The following ADAMTS20 variants were observed in gnomAD, a reference collection of about 807,000 sequenced individuals.
The protein encoded by ADAMTS20 is ADAM metallopeptidase with thrombospondin type 1 motif 20.
A neutral mutation model predicts 260.1 loss-of-function variants in ADAMTS20; 225 were observed. The observed-to-expected ratio is 0.87, with a 90% CI of 0.78 to 0.97. The LOEUF is 0.97. ADAMTS20 is among the 50% of genes least tolerant of loss of function. The pLI, the probability that ADAMTS20 is intolerant of heterozygous loss-of-function variation, is 0.00. For synonymous variants in ADAMTS20, 802 were observed against 769.5 expected, an observed-to-expected ratio of 1.04 and a Z score of -0.70; for missense variants, 2,400 against 2,337.7, an observed-to-expected ratio of 1.03 and a Z score of -0.55.
At chr12:43,499,081 G>A (rs1341590063) in intron 4 of ADAMTS20, among the ~76,000 whole-genome samples, 1 of 152,114 alleles carries the variant, frequency 6.6e-6, no homozygotes, top group African/African-American at 2.4e-5. Context: ...GGCTTCTTAG[G>A]AAGAAAGAAA....
At chr12:43,420,743 G>A (rs1394228259) in intron 28 of ADAMTS20, among the ~76,000 whole-genome samples, 1 of 146,116 alleles carries the variant, frequency 6.8e-6, no homozygotes, top group Non-Finnish European at 1.5e-5. Context: ...GGTGTTTGCT[G>A]CTACTACATG....
chr12:43,374,616 T>C (rs1356017625), intron 36 of ADAMTS20, among the ~76,000 whole-genome samples: 1 of 152,236 alleles, frequency 6.6e-6, no homozygotes, highest in African/African-American at 2.4e-5. Flanking sequence ...AACTTCCATA[T>C]TACTTACAAC....
chr12:43,439,716 T>C lies in ADAMTS20; in HGVS notation c.2499A>G (p.Val833=). The C allele has an allele frequency of 6.2e-7, 1 of 1,613,646 alleles. No homozygotes were observed. The highest frequency in any genetic ancestry group is 8.5e-7 in the Non-Finnish European group (1 of 1,179,674). The stretch of plus-strand genomic sequence containing the variant: ...CCAAAGGGATATTGAAGGAATAATG[T>C]ACATCAGGGTTGTATAAATTACCCA... ...LCVGNLYNPD[V]HYSFNIPLEE... Residue 833 remains valine, a synonymous_variant, in exon 18 of 39, where the codon GTA becomes GTG. Transcript: ENST00000389420.
At chr12:43,360,168 G>T (rs1939835814) in intron 37 of ADAMTS20, among the ~76,000 whole-genome samples, 2 of 152,172 alleles carry the variant, frequency 1.3e-5, no homozygotes, top group South Asian at 4.1e-4. Flanking sequence ...CATATCACCG[G>T]CCGGGCACGG....
rs1454491253 is a variant in ADAMTS20 at position 43,551,312 on chromosome 12, C to G, written c.92-42G>C. ...AGGACCAGTGAGCTCCCACGCGTTC[C>G]TCATTGTCCAACTCTAAACTTCTTC... is the stretch of plus-strand genomic sequence containing the variant. On this transcript the variant is annotated intron_variant, in intron 1 of 38. Transcript: ENST00000389420. This position sits in a 1 kb window ranked among gnomAD's most constrained non-coding sequence, Gnocchi z 4.6. 1 of 1,582,142 alleles carries G rather than the reference C, an allele frequency of 6.3e-7. No homozygotes were observed. The highest frequency in any genetic ancestry group is 1.2e-5 in the South Asian group (1 of 85,864).
At chr12:43,462,387 T>C (rs866426776) in intron 11 of ADAMTS20, among the ~76,000 whole-genome samples, 1 of 152,222 alleles carries the variant, frequency 6.6e-6, no homozygotes, top group South Asian at 2.1e-4. Flanking sequence ...CAGCTTTAGA[T>C]AAGTTCATGA....
chr12:43,443,809 G>A lies in ADAMTS20; in HGVS notation c.2272C>T (p.Pro758Ser). The change falls in exon 16 of 39, where the codon CCA becomes TCA. Residue 758 changes from proline (P) to serine (S), a missense_variant. Physicochemically the swap from Pro to Ser is moderately conservative, Grantham distance 74 (BLOSUM62 -1). Coordinates refer to ENST00000389420, the MANE Select transcript of ADAMTS20 (RefSeq NM_025003.5). ...DIRQYSYSGQPDDSYLALSDA... is the reference protein window; with the variant it reads ...DIRQYSYSGQSDDSYLALSDA... ...TGTTTACCAAGGTAACTGTCATCTG[G>A]TTGTCCAGAATAGCTGTACTGACGA... 1.9e-6 allele frequency: 3 copies of A among 1,611,974 alleles called. No homozygotes were observed. In the South Asian group the frequency reaches 3.3e-5, roughly 18 times the overall value.
chr12:43,407,696 C>A (rs1287743497), intron 28 of ADAMTS20, among the ~76,000 whole-genome samples: 1 of 151,988 alleles, frequency 6.6e-6, no homozygotes, highest in Non-Finnish European at 1.5e-5. Flanking sequence ...TTAAAGGACT[C>A]AATTATTGGA....
chr12:43,369,123 C>T (rs1035971771), intron 37 of ADAMTS20, among the ~76,000 whole-genome samples, 167 bp downstream of exon 37: 1 of 152,112 alleles, frequency 6.6e-6, no homozygotes, highest in East Asian at 1.9e-4. Context: ...GGCAAAGATG[C>T]TTTTCCTCCA....
rs191232932 is a variant in ADAMTS20, at chr12:43,384,453, C to G, written c.4453-476G>C. On this transcript the variant is annotated intron_variant, in intron 29 of 38. Coordinates refer to ENST00000389420, the MANE Select transcript of ADAMTS20 (RefSeq NM_025003.5). ...TTGTACCTGTTATGGAATCTAAATACTTGCTAATTTTTTTTAATACTTTAA... is the reference window on the plus strand; with the variant it reads ...TTGTACCTGTTATGGAATCTAAATAGTTGCTAATTTTTTTTAATACTTTAA... Among the ~76,000 whole-genome samples the G allele has an allele frequency of 3.3e-5, 5 of 152,118 alleles. No homozygotes were observed. The East Asian group carries it at 9.7e-4, about 29-fold the overall frequency.
At chr12:43,498,345 G>A (rs1425438975) in intron 4 of ADAMTS20, among the ~76,000 whole-genome samples, 3 of 152,148 alleles carry the variant, frequency 2.0e-5, no homozygotes, top group Admixed American at 6.5e-5. Flanking sequence ...TGTTTACTTC[G>A]TGCAGGATGA....
In ADAMTS20 at chr12:43,552,156, G is replaced by T. The variant is rs867255694; in HGVS notation, c.-235C>A. Among the ~76,000 whole-genome samples, 18 of 152,178 alleles carry T rather than the reference G, an allele frequency of 1.2e-4. No individual in the cohort carries two copies. Among genetic ancestry groups the T allele is most frequent in the African/African-American group, 3.9e-4 (16 of 41,436 alleles). On this transcript the variant is annotated 5_prime_UTR_variant, in exon 1 of 39. Transcript: ENST00000389420. ...GCCTCACCCCCCTTCCTGCGCCCGCGCTGCCCTCAGAAACTCTCTGCTCAG... is the reference window on the plus strand; with the variant it reads ...GCCTCACCCCCCTTCCTGCGCCCGCTCTGCCCTCAGAAACTCTCTGCTCAG...
At chr12:43,492,391 A>AAAAGG (rs1186730083) in intron 6 of ADAMTS20, 114 bp downstream of exon 6, 1 of 1,277,894 alleles carries the variant, frequency 7.8e-7, no homozygotes, top group East Asian at 2.7e-5. Flanking sequence ...AAAAAAAAAG[A>AAAAGG]AAAAGAAAAA....
chr12:43,510,175 T>C (rs1160864610), intron 3 of ADAMTS20, among the ~76,000 whole-genome samples: 1 of 152,086 alleles, frequency 6.6e-6, no homozygotes, highest in Non-Finnish European at 1.5e-5. Context: ...GTGTGTGTAG[T>C]TTAATCCCAG....
At chr12:43,463,133 A>T (rs766035868) in intron 10 of ADAMTS20, 134 bp from the exon 11 acceptor site, 27 of 478,546 alleles carry the variant, frequency 5.6e-5, no homozygotes, top group Non-Finnish European at 6.8e-5. Flanking sequence ...TAATCAGCAA[A>T]TTTTTTTACT....
At chr12:43,478,206 A>G (rs1942388774) in intron 7 of ADAMTS20, among the ~76,000 whole-genome samples, 2 of 152,126 alleles carry the variant, frequency 1.3e-5, no homozygotes, top group Non-Finnish European at 2.9e-5. Flanking sequence ...TAGATTTTTA[A>G]TAAGAACTAA....
At chr12:43,369,262 GA>G in intron 37 of ADAMTS20, 27 bp downstream of exon 37, 2 of 1,364,724 alleles carry the variant, frequency 1.5e-6, no homozygotes, top group Non-Finnish European at 1.9e-6. Context: ...CACAAAGAAA[GA>G]AAATTAATCA....
At chr12:43,423,039 C>T (rs2029791) in intron 28 of ADAMTS20, 48,692 of 151,782 alleles carry the variant, frequency 0.32, 8,472 homozygotes, top group East Asian at 0.75. Context: ...CTAAAACTGA[C>T]CTGGAATGAA....
In ADAMTS20 at chr12:43,440,001, TTTC is replaced by T. The variant is rs1417780564; in HGVS notation, c.2356_2358del (p.Glu786del). Reference sequence around the variant, plus strand: ...ACAGTTCTTGTTCCTTGCACATTGATTTCTTTTTTTGACGTACTTAGAAGAAAA... The same window carrying T: ...ACAGTTCTTGTTCCTTGCACATTGATTTTTTTTGACGTACTTAGAAGAAAA... On this transcript the variant is annotated inframe_deletion, in exon 17 of 39. Transcript: ENST00000389420. The T allele has an allele frequency of 7.6e-6, 12 of 1,583,458 alleles. No homozygotes were observed. The highest frequency in any genetic ancestry group is 1.8e-5 in the Admixed American group (1 of 55,074).
Sources: gnomAD v4.1 joint callset for allele counts (sites outside exome capture counted in the v4.1 genomes callset) on GRCh38, gnomAD v4.1.1 for gene constraint, Gnocchi (gnomAD v3.1) non-coding constraint, MANE v1.5 for transcripts, NCBI Gene and HGNC (gene_info 2026-07-23, HGNC 2026-07-21) for gene names.